Variants in ALG9 observed in about 807,000 individuals in gnomAD.
ALG9 encodes the protein ALG9 alpha-1,2-mannosyltransferase, also known as alpha-1,2-mannosyltransferase ALG9.
A neutral mutation model predicts 81.8 loss-of-function variants in ALG9; 55 were observed. The ratio of observed to expected loss-of-function variants is 0.67; its 90% confidence interval spans 0.54 to 0.84. ALG9 has a LOEUF of 0.84. ALG9 is among the 40% of genes least tolerant of loss of function. ALG9 has a pLI of 0.00. For missense variants in ALG9, 629 were observed against 745.0 expected (o/e 0.84, Z 1.81); for synonymous variants, 278 against 274.3 (o/e 1.01, Z -0.13).
At chr11:111,837,362 A>G in intron 12 of ALG9, 106 bp downstream of exon 12, 1 of 1,330,728 alleles carries the variant, frequency 7.5e-7, no homozygotes, top group Non-Finnish European at 1.1e-6. Context: ...TAATTCAATA[A>G]CTCTCTGTGA....
At chr11:111,768,380 T>A in the ALG9 span, among the ~76,000 whole-genome samples, 5 of 152,204 alleles carry the variant, frequency 3.3e-5, no homozygotes, top group Admixed American at 6.5e-5. Context: ...AAATTTGTTG[T>A]GGTTTTTTTT....
intron 4 of ALG9, among the ~76,000 whole-genome samples, chr11:111,861,788 C>CA (rs1960247057): frequency 1.3e-5 from 2 of 148,848 alleles, no homozygotes; most frequent in Non-Finnish European, 3.0e-5. Context: ...TTCCCTTTCT[C>CA]TTTTTTTTTT....
chr11:111,784,820 T>C lies in ALG9; in HGVS notation c.*1577A>G, dbSNP rs1484703356. Reference sequence around the variant, plus strand: ...CCTTAGGGAAATAAGGCACCTATAATGTGACCCCAGATTGACTACAGGAAT... The same window carrying C: ...CCTTAGGGAAATAAGGCACCTATAACGTGACCCCAGATTGACTACAGGAAT... On this transcript the variant is annotated 3_prime_UTR_variant, in exon 15 of 15. Transcript: ENST00000616540. The C allele has an allele frequency of 1.3e-5, 2 of 152,194 alleles. No individual in the cohort carries two copies. Among genetic ancestry groups the C allele is most frequent in the African/African-American group, 4.8e-5 (2 of 41,472 alleles). The allele number at this position is 152,194 out of a possible 1,614,324, so 9.4% of individuals were successfully genotyped here. A position where few individuals can be genotyped will look rare whatever the true frequency, so the allele number is the denominator to read the frequency against.
At chr11:111,829,943 G>T (rs577652390) in intron 13 of ALG9, among the ~76,000 whole-genome samples, 5 of 152,304 alleles carry the variant, frequency 3.3e-5, no homozygotes, top group Admixed American at 1.3e-4. Flanking sequence ...GATAAACTGT[G>T]CTGCCATAAA....
chr11:111,863,276 T>C (rs1960995262), intron 4 of ALG9, among the ~76,000 whole-genome samples: 1 of 152,158 alleles, frequency 6.6e-6, no homozygotes. Context: ...CAGAATTGCT[T>C]GAACCCGGGA....
intron 14 of ALG9, among the ~76,000 whole-genome samples, chr11:111,806,559 C>T (rs1480220965): frequency 1.3e-5 from 2 of 152,184 alleles, no homozygotes; most frequent in Non-Finnish European, 2.9e-5. Context: ...GTCACCTTTG[C>T]TGGTTCCTCC....
intron 14 of ALG9, among the ~76,000 whole-genome samples, chr11:111,802,181 G>A (rs782188876): frequency 1.3e-5 from 2 of 152,066 alleles, no homozygotes; most frequent in African/African-American, 2.4e-5. Context: ...AGAAACCTTC[G>A]GTTCCCTTGT....
chr11:111,869,342 T>G (rs1963527292), intron 2 of ALG9, among the ~76,000 whole-genome samples: 1 of 152,154 alleles, frequency 6.6e-6, no homozygotes, highest in African/African-American at 2.4e-5. Context: ...ATCAGAAAAT[T>G]TTACCTTTGA....
chr11:111,788,043 G>C (rs1409452367), intron 14 of ALG9, among the ~76,000 whole-genome samples: 1 of 152,184 alleles, frequency 6.6e-6, no homozygotes, highest in East Asian at 1.9e-4. Flanking sequence ...TCTGTATGGA[G>C]TATTACTTCC....
In ALG9 at chr11:111,843,534, A is replaced by G. The variant is rs1212746907; in HGVS notation, c.1018+1067T>C. Reference sequence around the variant, plus strand: ...AATATTCTTATAATACAACGAACTCATTATAAACCATTAATAGTAGAAAAG... The same window carrying G: ...AATATTCTTATAATACAACGAACTCGTTATAAACCATTAATAGTAGAAAAG... On this transcript the variant is annotated intron_variant, in intron 9 of 14. Coordinates refer to ENST00000616540, the MANE Select transcript of ALG9 (RefSeq NM_024740.2). Among the ~76,000 whole-genome samples the G allele has an allele frequency of 4.6e-5, 7 of 152,232 alleles. No individual in the cohort carries two copies. In the East Asian group the frequency reaches 9.6e-4, roughly 21 times the overall value.
At chr11:111,792,127 A>G (rs1555071000) in intron 14 of ALG9, among the ~76,000 whole-genome samples, 2 of 152,138 alleles carry the variant, frequency 1.3e-5, no homozygotes, top group African/African-American at 2.4e-5. Context: ...CAACAATCCT[A>G]GGAAGCCCTA....
intron 13 of ALG9, among the ~76,000 whole-genome samples, chr11:111,810,417 A>C (rs1308637503): frequency 6.6e-6 from 1 of 152,200 alleles, no homozygotes; most frequent in Non-Finnish European, 1.5e-5. Flanking sequence ...TGGATACATC[A>C]GAATATTGTA....
Position 111,794,669 on chromosome 11 carries a change from TATCC to T in ALG9, c.1734-8153_1734-8150del, listed in dbSNP as rs1480314255. The stretch of plus-strand genomic sequence containing the variant: ...TCTCTTCTCTCTCTACCTATCTATC[TATCC>T]ATCCATCCATCCACCCATCCATCCA... On this transcript the variant is annotated intron_variant, in intron 14 of 14. Transcript: ENST00000616540. Among the ~76,000 whole-genome samples the T allele has an allele frequency of 2.0e-4, 31 of 152,072 alleles. No individual in the cohort carries two copies. The Middle Eastern group carries it at 0.014, about 67-fold the overall frequency.
chr11:111,843,404 G>A (rs1481043583), intron 9 of ALG9, among the ~76,000 whole-genome samples: 2 of 152,172 alleles, frequency 1.3e-5, no homozygotes, highest in Non-Finnish European at 2.9e-5. Flanking sequence ...ATGGGTATTA[G>A]ATGATATTAA....
chr11:111,868,200 T>C lies in ALG9; in HGVS notation c.405+402A>G, dbSNP rs138180616. 1.3e-4 allele frequency among the ~76,000 whole-genome samples: 20 copies of C among 152,320 alleles called. No homozygotes were observed. The East Asian group carries it at 2.7e-3, about 21-fold the overall frequency. On this transcript the variant is annotated intron_variant, in intron 3 of 14. Coordinates refer to ENST00000616540, the MANE Select transcript of ALG9 (RefSeq NM_024740.2). Reference sequence around the variant, plus strand: ...ACACCAAGACGCATCATAGTCAAATTTCTGAAAACTAATCAGGTTAGGTCC... The same window carrying C: ...ACACCAAGACGCATCATAGTCAAATCTCTGAAAACTAATCAGGTTAGGTCC...
chr11:111,775,094 C>T, the ALG9 span, among the ~76,000 whole-genome samples: 56 of 150,664 alleles, frequency 3.7e-4, no homozygotes, highest in Admixed American at 2.4e-3. Flanking sequence ...GGCCACTTAT[C>T]ATCATGTCTT....
downstream of ALG9, among the ~76,000 whole-genome samples, chr11:111,779,995 G>A (rs1945840665): frequency 6.6e-6 from 1 of 152,194 alleles, no homozygotes; most frequent in South Asian, 2.1e-4. Context: ...CACAGCTGAA[G>A]AGAGCCAAAA....
At chr11:111,804,554 G>C (rs1327285192) in intron 14 of ALG9, among the ~76,000 whole-genome samples, 1 of 152,148 alleles carries the variant, frequency 6.6e-6, no homozygotes, top group Non-Finnish European at 1.5e-5. Context: ...CTACACCACT[G>C]TACTCCAGCT....
At chr11:111,778,821 T>C (rs145853563), downstream of ALG9, among the ~76,000 whole-genome samples, 156 of 148,348 alleles carry the variant, frequency 1.1e-3, no homozygotes, top group South Asian at 7.9e-3. Context: ...CTTTTCTTTT[T>C]TTTTTTTTTT....
Sources: gnomAD v4.1 joint callset for allele counts (sites outside exome capture counted in the v4.1 genomes callset) on GRCh38, gnomAD v4.1.1 for gene constraint, MANE v1.5 for transcripts, NCBI Gene and HGNC (gene_info 2026-07-23, HGNC 2026-07-21) for gene names.